OPTN: variants seen among roughly 807,000 people sequenced by gnomAD.
The protein encoded by OPTN is optineurin, also known as E3-14.7K-interacting protein.
A neutral mutation model predicts 70.4 loss-of-function variants in OPTN; 54 were observed. That is an observed-to-expected ratio of 0.77 (90% CI 0.62 to 0.96). OPTN has a LOEUF of 0.96. OPTN is among the 40% of genes least tolerant of loss of function. The pLI is 0.00. For missense variants in OPTN, 624 were observed against 673.2 expected (o/e 0.93, Z 0.81); for synonymous variants, 256 against 248.5 (o/e 1.03, Z -0.28).
Position 13,110,539 on chromosome 10 carries a change from C to CGTAA in OPTN, c.369+63_369+64insGTAA, listed in dbSNP as rs1832974294. The CGTAA allele has an allele frequency of 2.0e-6, 3 of 1,480,854 alleles. No homozygotes were observed. The African/African-American group carries it at 4.2e-5, about 21-fold the overall frequency. 91.7% of individuals were successfully genotyped at this position (1,480,854 alleles called of 1,614,324 possible). Reference sequence around the variant, plus strand: ...TTTCCCTTGACATTTGCAGTGGAATCTTACGTGTCTAGACTCCTAGATCAA... The same window carrying CGTAA: ...TTTCCCTTGACATTTGCAGTGGAATCGTAATTACGTGTCTAGACTCCTAGATCAA... On this transcript the variant is annotated intron_variant, in intron 4 of 14. Transcript: ENST00000378747.
chr10:13,128,365 CT>C lies in OPTN; in HGVS notation c.1401+465del, dbSNP rs1833513874. Among the ~76,000 whole-genome samples, 6 of 151,070 alleles carry C rather than the reference CT, an allele frequency of 4.0e-5. No homozygotes were observed. In the South Asian group the frequency reaches 1.2e-3, roughly 31 times the overall value. Reference sequence around the variant, plus strand: ...AACACTTCTATTATCAGTCATTTTCCTTTAACCACTCTGGAGGGTATATAGT... The same window carrying C: ...AACACTTCTATTATCAGTCATTTTCCTTAACCACTCTGGAGGGTATATAGT... On this transcript the variant is annotated intron_variant, in intron 12 of 14. Transcript: ENST00000378747.
At chr10:13,113,553 G>A (rs747869637) in intron 5 of OPTN, among the ~76,000 whole-genome samples, 2 of 152,168 alleles carry the variant, frequency 1.3e-5, no homozygotes, top group African/African-American at 4.8e-5. Context: ...GGCTAAGCGA[G>A]GGGGCCCTAA....
chr10:13,106,580 G>GA (rs1832869509), intron 1 of OPTN, among the ~76,000 whole-genome samples: 1 of 152,206 alleles, frequency 6.6e-6, no homozygotes. Flanking sequence ...CTTGTAGGAA[G>GA]AAGTGGCACA....
chr10:13,136,306 G>A (rs894917326), intron 14 of OPTN, among the ~76,000 whole-genome samples: 19 of 151,966 alleles, frequency 1.3e-4, no homozygotes, highest in Non-Finnish European at 1.9e-4. Flanking sequence ...TCAGGAGTTC[G>A]AGACCAGTCT....
chr10:13,114,539 G>A (rs1253607319), intron 5 of OPTN, among the ~76,000 whole-genome samples: 2 of 151,328 alleles, frequency 1.3e-5, no homozygotes, highest in Non-Finnish European at 2.9e-5. Flanking sequence ...TATTTTTAGT[G>A]TAAACACGTT....
intron 4 of OPTN, among the ~76,000 whole-genome samples, chr10:13,111,102 G>A (rs1024421697): frequency 2.0e-5 from 3 of 152,198 alleles, no homozygotes; most frequent in Non-Finnish European, 2.9e-5. Context: ...CCCACTGGGC[G>A]TGGTTTGTTA....
In OPTN at chr10:13,125,460, G is replaced by A; in HGVS notation, c.1041G>A (p.Glu347=). The A allele has an allele frequency of 6.2e-7, 1 of 1,614,112 alleles. No homozygotes were observed. The highest frequency in any genetic ancestry group is 8.5e-7 in the Non-Finnish European group (1 of 1,179,990). Residue 347 remains glutamate, a synonymous_variant, in exon 10 of 15, where the codon GAG becomes GAA. Coordinates refer to ENST00000378747, the MANE Select transcript of OPTN (RefSeq NM_001008212.2). ...GGAAAAATTCTGCAATTCCATCAGAGTTGAATGAAAAGCAAGAGCTTGTTT... is the reference window on the plus strand; with the variant it reads ...GGAAAAATTCTGCAATTCCATCAGAATTGAATGAAAAGCAAGAGCTTGTTT... The part of the protein sequence containing the change: ...LERKNSAIPS[E]LNEKQELVYT...
intron 7 of OPTN, 26 bp downstream of exon 7, chr10:13,119,066 T>C (rs756454654): frequency 2.5e-6 from 4 of 1,608,696 alleles, no homozygotes; most frequent in South Asian, 2.2e-5. Flanking sequence ...ACTTGAAATA[T>C]GTGTTTTTTT....
rs531109316 is a variant in OPTN, at chr10:13,132,189, C to T, written c.1524C>T (p.Asp508=). ...VLLKENDAFE[D]GGRQSLMEMQ... is the part of the protein sequence containing the mutation. Reference sequence around the variant, plus strand: ...TGAAAGAGAATGATGCTTTCGAAGACGGAGGCAGGTAAGGAAAAGAGAGAG... The same window carrying T: ...TGAAAGAGAATGATGCTTTCGAAGATGGAGGCAGGTAAGGAAAAGAGAGAG... The change falls in exon 13 of 15, where the codon GAC becomes GAT. Residue 508 remains aspartate (D), a synonymous_variant. Transcript: ENST00000378747. 3.3e-5 allele frequency: 54 copies of T among 1,612,258 alleles called. No individual in the cohort carries two copies. Among genetic ancestry groups the T allele is most frequent in the African/African-American group, 1.1e-4 (8 of 74,934 alleles).
intron 14 of OPTN, among the ~76,000 whole-genome samples, chr10:13,134,842 T>G (rs1198566506): frequency 6.6e-6 from 1 of 152,216 alleles, no homozygotes; most frequent in African/African-American, 2.4e-5. Context: ...GAATGTACCT[T>G]CTCAGAAGCA....
At chr10:13,120,899 T>C (rs187959651) in intron 7 of OPTN, among the ~76,000 whole-genome samples, 4 of 152,198 alleles carry the variant, frequency 2.6e-5, no homozygotes, top group Admixed American at 2.0e-4. Flanking sequence ...ACCTAACAAA[T>C]CCTGGCGGAA....
In OPTN at chr10:13,136,599, T is replaced by G. The variant is rs1474394155; in HGVS notation, c.1613-146T>G. 5.8e-6 allele frequency: 5 copies of G among 866,204 alleles called. No homozygotes were observed. In the East Asian group the frequency reaches 1.3e-4, roughly 23 times the overall value. 53.7% of individuals were successfully genotyped at this position (866,204 alleles called of 1,614,324 possible). A position where few individuals can be genotyped will look rare whatever the true frequency, so the allele number is the denominator to read the frequency against. On this transcript the variant is annotated intron_variant, in intron 14 of 14. Coordinates refer to ENST00000378747, the MANE Select transcript of OPTN (RefSeq NM_001008212.2). The stretch of plus-strand genomic sequence containing the variant: ...TCTATGTGCATCGTGATGACTTCAG[T>G]TAAAGACCAAACACCTGTGCTCATG...
intron 5 of OPTN, among the ~76,000 whole-genome samples, chr10:13,115,082 G>T (rs1325382892): frequency 7.5e-4 from 21 of 28,100 alleles, no homozygotes; most frequent in East Asian, 1.7e-3. Flanking sequence ...TATATATATA[G>T]ATATATCTAT....
intron 3 of OPTN, 85 bp from the exon 4 acceptor site, chr10:13,110,189 G>T (rs1832965066): frequency 6.4e-7 from 1 of 1,572,808 alleles, no homozygotes; most frequent in African/African-American, 1.3e-5. Context: ...GAGCCATGTG[G>T]TCAAGTGGAC....
rs147433660 is a variant in OPTN at position 13,136,410 on chromosome 10, A to G, written c.1613-335A>G. Among the ~76,000 whole-genome samples the G allele has an allele frequency of 3.9e-3, 589 of 150,526 alleles. 2 individuals are homozygous for G. Among genetic ancestry groups the G allele is most frequent in the Non-Finnish European group, 6.9e-3 (466 of 67,662 alleles). ...GTGATCCCAGCTACTCAGGAGGCCA[A>G]AGCAGGAGGATCACTTGAACCTGGG... On this transcript the variant is annotated intron_variant, in intron 14 of 14. Coordinates refer to ENST00000378747, the MANE Select transcript of OPTN (RefSeq NM_001008212.2).
In OPTN at chr10:13,122,628, T is replaced by C. The variant is rs576116534; in HGVS notation, c.882+141T>C. 4.4e-5 allele frequency: 32 copies of C among 720,260 alleles called. No homozygotes were observed. In the East Asian group the frequency reaches 5.4e-4, roughly 12 times the overall value. 44.6% of individuals were successfully genotyped at this position (720,260 alleles called of 1,614,324 possible). ...TATTGAATATTATCTATCTATTCCTTTTATATGTCCTTGTCCTGCTCTGTG... is the reference window on the plus strand; with the variant it reads ...TATTGAATATTATCTATCTATTCCTCTTATATGTCCTTGTCCTGCTCTGTG... On this transcript the variant is annotated intron_variant, in intron 8 of 14. Coordinates refer to ENST00000378747, the MANE Select transcript of OPTN (RefSeq NM_001008212.2).
At chr10:13,129,808 T>C (rs923954965) in intron 12 of OPTN, among the ~76,000 whole-genome samples, 18 of 152,226 alleles carry the variant, frequency 1.2e-4, no homozygotes, top group Non-Finnish European at 2.5e-4. Context: ...CTGATGAACA[T>C]ATTATTTTTA....
At chr10:13,122,620 C>T in intron 8 of OPTN, 133 bp downstream of exon 8, 1 of 726,344 alleles carries the variant, frequency 1.4e-6, no homozygotes, top group South Asian at 1.5e-5. Flanking sequence ...TATTATCTAT[C>T]TATTCCTTTT....
At chr10:13,105,738 G>A (rs368638799) in intron 1 of OPTN, among the ~76,000 whole-genome samples, 1 of 152,070 alleles carries the variant, frequency 6.6e-6, no homozygotes, top group African/African-American at 2.4e-5. Context: ...GCAAAACCCT[G>A]TCTCTACTAA....
Sources: allele counts gnomAD v4.1 joint callset (sites outside exome capture counted in the v4.1 genomes callset), GRCh38; gene constraint gnomAD v4.1.1; transcripts MANE v1.5; gene names NCBI Gene and HGNC (gene_info 2026-07-23, HGNC 2026-07-21).